Variants in TGFBR3 observed in about 807,000 individuals in gnomAD.
TGFBR3 encodes the protein transforming growth factor beta receptor type 3.
TGFBR3 carries 46 observed loss-of-function variants against 87.9 expected under a neutral mutation model. The observed-to-expected ratio is 0.52, with a 90% confidence interval of 0.41 to 0.67. TGFBR3 has a LOEUF of 0.67. Among genes scored for constraint, TGFBR3 ranks in the 30% least tolerant of loss-of-function variants. TGFBR3 has a pLI of 0.00. For synonymous variants in TGFBR3, 381 were observed against 391.6 expected, an observed-to-expected ratio of 0.97 and a Z score of 0.32; for missense variants, 866 against 1,041.9, an observed-to-expected ratio of 0.83 and a Z score of 2.32.
At chr1:91,804,647 T>G (rs1185535250) in intron 2 of TGFBR3, among the ~76,000 whole-genome samples, 11 of 152,130 alleles carry the variant, frequency 7.2e-5, no homozygotes, top group African/African-American at 1.4e-4. Flanking sequence ...TTGACCACCA[T>G]GGGGCCCGAG....
chr1:91,704,327 CAAAAAA>C (rs68141642), intron 14 of TGFBR3, among the ~76,000 whole-genome samples: 1 of 131,484 alleles, frequency 7.6e-6, no homozygotes, highest in Admixed American at 7.7e-5. Flanking sequence ...GACTTTGTCT[CAAAAAA>C]AAAAAAAAAA....
At chr1:91,763,703 A>G (rs1257393819) in intron 3 of TGFBR3, among the ~76,000 whole-genome samples, 1 of 152,168 alleles carries the variant, frequency 6.6e-6, no homozygotes, top group Non-Finnish European at 1.5e-5. Context: ...GCACAAACCT[A>G]TTTCAGGACA....
At chr1:91,791,054 G>C (rs1675173024) in intron 3 of TGFBR3, among the ~76,000 whole-genome samples, 1 of 152,204 alleles carries the variant, frequency 6.6e-6, no homozygotes, top group Non-Finnish European at 1.5e-5. Flanking sequence ...GTCAATCTTT[G>C]AATTGCCAAA....
At chr1:91,859,779 C>T (rs915083555) in intron 2 of TGFBR3, among the ~76,000 whole-genome samples, 7 of 151,822 alleles carry the variant, frequency 4.6e-5, no homozygotes, top group African/African-American at 1.7e-4. Context: ...CATGGTGGCA[C>T]ACGCCTGTAG....
In TGFBR3 at chr1:91,720,011, A is replaced by T; in HGVS notation, c.1295T>A (p.Ile432Lys). 1 of 1,614,206 alleles carries T rather than the reference A, an allele frequency of 6.2e-7. No individual in the cohort carries two copies. The highest frequency in any genetic ancestry group is 8.5e-7 in the Non-Finnish European group (1 of 1,180,012). ...CTCTCTGAGACCAGGAAACAGTTGT[A>T]TGCTGGGAATGACAGGGTCCTTTGG... ...PRPKDPVIPS[I>K]QLFPGLREPE... is the part of the protein sequence containing the mutation. The change falls in exon 9 of 17, where the codon ATA (isoleucine) becomes AAA (lysine). Residue 432 changes from isoleucine to lysine, a missense_variant. Coordinates refer to ENST00000212355, the MANE Select transcript of TGFBR3 (RefSeq NM_003243.5).
chr1:91,740,644 C>T (rs972550539), intron 4 of TGFBR3, among the ~76,000 whole-genome samples: 3 of 152,170 alleles, frequency 2.0e-5, no homozygotes, highest in African/African-American at 7.2e-5. Context: ...GGATTATAGG[C>T]CTGAGCCACT....
At chr1:91,823,050 C>A (rs534856564) in intron 2 of TGFBR3, among the ~76,000 whole-genome samples, 1 of 152,124 alleles carries the variant, frequency 6.6e-6, no homozygotes, top group South Asian at 2.1e-4. Context: ...GAAATAATAA[C>A]GCATTTTCCT....
At chr1:91,833,308 A>AAC (rs1676928789) in intron 2 of TGFBR3, among the ~76,000 whole-genome samples, 1 of 135,508 alleles carries the variant, frequency 7.4e-6, no homozygotes, top group African/African-American at 2.8e-5. Context: ...AAAAAAAAAA[A>AAC]AAAAAAAACA....
At chr1:91,797,244 C>A (rs374096403) in intron 3 of TGFBR3, 43 bp downstream of exon 3, 2 of 1,603,452 alleles carry the variant, frequency 1.2e-6, no homozygotes, top group Non-Finnish European at 1.7e-6. Flanking sequence ...ATCATCTCTG[C>A]AGACTCAGTG....
intron 3 of TGFBR3, among the ~76,000 whole-genome samples, chr1:91,782,307 G>A (rs1439178593): frequency 1.3e-5 from 2 of 152,182 alleles, no homozygotes; most frequent in Non-Finnish European, 2.9e-5. Flanking sequence ...GAGGCAAAAT[G>A]TATCATCATT....
intron 2 of TGFBR3, among the ~76,000 whole-genome samples, chr1:91,816,444 C>A (rs924040175): frequency 6.6e-6 from 1 of 152,136 alleles, no homozygotes; most frequent in Non-Finnish European, 1.5e-5. Flanking sequence ...CTGACCACTC[C>A]TGCGTTCTCA....
At chr1:91,813,898 G>A (rs1203919443) in intron 2 of TGFBR3, among the ~76,000 whole-genome samples, 1 of 152,146 alleles carries the variant, frequency 6.6e-6, no homozygotes, top group Non-Finnish European at 1.5e-5. Context: ...TAAGGAGCAG[G>A]CAACCTAGAT....
intron 2 of TGFBR3, among the ~76,000 whole-genome samples, chr1:91,892,675 C>G (rs948389513): frequency 6.6e-6 from 1 of 152,064 alleles, no homozygotes; most frequent in Non-Finnish European, 1.5e-5. Flanking sequence ...GTGAGGGCAC[C>G]ATCTCATCCT....
intron 1 of TGFBR3, among the ~76,000 whole-genome samples, chr1:91,882,245 TC>T (rs1679115721): frequency 6.8e-6 from 1 of 147,920 alleles, no homozygotes; most frequent in African/African-American, 2.5e-5. Flanking sequence ...CAAGGGATCC[TC>T]CCACCTCAGC....
At chr1:91,757,928 A>G (rs1215218467) in intron 4 of TGFBR3, among the ~76,000 whole-genome samples, 3 of 152,204 alleles carry the variant, frequency 2.0e-5, no homozygotes. Flanking sequence ...GTAATAGACA[A>G]TGTGAGTTAC....
intron 1 of TGFBR3, among the ~76,000 whole-genome samples, chr1:91,869,748 A>G (rs1198914868): frequency 1.3e-5 from 2 of 152,270 alleles, no homozygotes; most frequent in Non-Finnish European, 2.9e-5. Context: ...TAAGAACCTC[A>G]GGCATCCTCA....
At chr1:91,783,997 A>C (rs1210207309) in intron 3 of TGFBR3, among the ~76,000 whole-genome samples, 2 of 152,166 alleles carry the variant, frequency 1.3e-5, no homozygotes, top group Admixed American at 1.3e-4. Context: ...AACCCAAGGG[A>C]GCTGCATAGA....
chr1:91,719,871 T>C, intron 9 of TGFBR3, 22 bp downstream of exon 9: 1 of 1,613,474 alleles, frequency 6.2e-7, no homozygotes, highest in Non-Finnish European at 8.5e-7. Context: ...CTCTCTTCCC[T>C]CCTGTAATCA....
chr1:91,843,544 A>G (rs930760596), intron 2 of TGFBR3, among the ~76,000 whole-genome samples: 3 of 152,256 alleles, frequency 2.0e-5, no homozygotes, highest in Admixed American at 2.0e-4. Flanking sequence ...GGTAAGTACT[A>G]TGGTAACATT....
Sources: gnomAD v4.1 joint callset for allele counts (sites outside exome capture counted in the v4.1 genomes callset) on GRCh38, gnomAD v4.1.1 for gene constraint, MANE v1.5 for transcripts, NCBI Gene and HGNC (gene_info 2026-07-23, HGNC 2026-07-21) for gene names.